The following NAA11 variants were observed in gnomAD, a reference collection of about 807,000 sequenced individuals.
NAA11 encodes N-alpha-acetyltransferase 11, NatA catalytic subunit.
NAA11 carries 15 observed loss-of-function variants against 16.1 expected under a neutral mutation model. The observed-to-expected ratio is 0.93, with a 90% CI of 0.62 to 1.44. NAA11 has a LOEUF of 1.44. NAA11 is among the 40% of genes most tolerant of loss of function. The pLI is 0.00. For missense variants in NAA11, 298 were observed against 291.3 expected, an observed-to-expected ratio of 1.02 and a Z score of -0.17; for synonymous variants, 122 against 112.4, an observed-to-expected ratio of 1.09 and a Z score of -0.54.
At chr4:79,190,069 A>C in the NAA11 span, among the ~76,000 whole-genome samples, 4 of 152,318 alleles carry the variant, frequency 2.6e-5, no homozygotes, top group Admixed American at 1.3e-4. Flanking sequence ...CAGAAACAAA[A>C]AACCCGCACA....
intron 2 of NAA11, among the ~76,000 whole-genome samples, chr4:79,285,848 G>A (rs553344917): frequency 1.8e-4 from 27 of 151,970 alleles, no homozygotes; most frequent in Non-Finnish European, 3.5e-4. Flanking sequence ...ACACTTCAAT[G>A]TTGGAAGCTT....
chr4:79,156,808 T>C, the NAA11 span, among the ~76,000 whole-genome samples: 2 of 152,226 alleles, frequency 1.3e-5, no homozygotes, highest in Non-Finnish European at 2.9e-5. Flanking sequence ...GAGCTCAGAC[T>C]TGTATCCAAA....
the NAA11 span, among the ~76,000 whole-genome samples, chr4:79,157,039 TA>T: frequency 6.6e-6 from 1 of 152,240 alleles, no homozygotes; most frequent in African/African-American, 2.4e-5. Context: ...CCTATTTTTT[TA>T]AATGACAGTT....
At chr4:79,259,576 G>A (rs1722203639) in intron 2 of NAA11, among the ~76,000 whole-genome samples, 1 of 152,218 alleles carries the variant, frequency 6.6e-6, no homozygotes, top group African/African-American at 2.4e-5. Context: ...AGCCTGCCAG[G>A]CCAAGTGGGC....
the NAA11 span, among the ~76,000 whole-genome samples, chr4:79,193,252 G>T: frequency 4.6e-3 from 703 of 152,104 alleles, 2 homozygotes; most frequent in Middle Eastern, 0.034. Flanking sequence ...GTCAATTTTG[G>T]CTTTTGTTGC....
At chr4:79,183,071 T>C in the NAA11 span, among the ~76,000 whole-genome samples, 1 of 152,150 alleles carries the variant, frequency 6.6e-6, no homozygotes, top group South Asian at 2.1e-4. Flanking sequence ...ATTTTCCCCC[T>C]CTGAACATAG....
chr4:79,184,943 T>C, the NAA11 span, among the ~76,000 whole-genome samples: 1 of 152,320 alleles, frequency 6.6e-6, no homozygotes, highest in South Asian at 2.1e-4. Flanking sequence ...ATTAACTACA[T>C]CTTTTTTCTT....
the NAA11 span, among the ~76,000 whole-genome samples, chr4:79,200,038 T>C: frequency 1.3e-5 from 2 of 151,898 alleles, no homozygotes; most frequent in Middle Eastern, 3.4e-3. Context: ...TGCTTCCTCA[T>C]TCATTTCTTC....
chr4:79,174,723 G>T, the NAA11 span, among the ~76,000 whole-genome samples: 1 of 152,228 alleles, frequency 6.6e-6, no homozygotes, highest in South Asian at 2.1e-4. Flanking sequence ...TAAAACATCT[G>T]TGAATTCTAA....
chr4:79,228,939 A>G (rs1035252681), intron 2 of NAA11, among the ~76,000 whole-genome samples: 9 of 152,022 alleles, frequency 5.9e-5, no homozygotes, highest in African/African-American at 2.2e-4. Context: ...GCAAGTAGGA[A>G]CATTCTAGTT....
the NAA11 span, among the ~76,000 whole-genome samples, chr4:79,187,068 A>G: frequency 1.3e-5 from 2 of 152,234 alleles, no homozygotes; most frequent in African/African-American, 4.8e-5. Context: ...TTTTATTATT[A>G]CATTTTAATC....
At chr4:79,278,858 A>G (rs1560444263) in intron 2 of NAA11, among the ~76,000 whole-genome samples, 1 of 152,122 alleles carries the variant, frequency 6.6e-6, no homozygotes, top group East Asian at 1.9e-4. Flanking sequence ...TAATTTATAA[A>G]GAACAGAAAT....
chr4:79,302,943 A>G (rs1195133333), intron 1 of NAA11, among the ~76,000 whole-genome samples: 1 of 151,574 alleles, frequency 6.6e-6, no homozygotes, highest in East Asian at 1.9e-4. Flanking sequence ...TTTGTTTGAG[A>G]CTTTGAATTT....
downstream of NAA11, among the ~76,000 whole-genome samples, chr4:79,314,896 T>C (rs561438639): frequency 6.6e-6 from 1 of 152,192 alleles, no homozygotes; most frequent in Admixed American, 6.5e-5. Context: ...CTATATACAC[T>C]TTTTTGTTGT....
At chr4:79,243,309 AGGAAGGG>A (rs1721735643) in intron 2 of NAA11, among the ~76,000 whole-genome samples, 1 of 152,214 alleles carries the variant, frequency 6.6e-6, no homozygotes, top group Non-Finnish European at 1.5e-5. Flanking sequence ...AATGAAGATG[AGGAAGGG>A]TGCTCCCTTT....
the NAA11 span, among the ~76,000 whole-genome samples, chr4:79,213,152 C>A: frequency 6.6e-6 from 1 of 152,142 alleles, no homozygotes; most frequent in Non-Finnish European, 1.5e-5. Context: ...ATCAAGCTAA[C>A]AAATTAACTT....
chr4:79,289,213 T>C (rs1723021592), intron 2 of NAA11, among the ~76,000 whole-genome samples: 1 of 152,248 alleles, frequency 6.6e-6, no homozygotes, highest in Non-Finnish European at 1.5e-5. Context: ...AATGTGGATT[T>C]CAAATTCCCT....
chr4:79,287,524 G>A (rs1307787118), intron 2 of NAA11, among the ~76,000 whole-genome samples: 1 of 151,740 alleles, frequency 6.6e-6, no homozygotes, highest in Non-Finnish European at 1.5e-5. Context: ...ATAAGTTTTA[G>A]CAAATTGAGG....
chr4:79,237,144 A>G (rs923853818), intron 2 of NAA11, among the ~76,000 whole-genome samples: 1 of 152,200 alleles, frequency 6.6e-6, no homozygotes, highest in Non-Finnish European at 1.5e-5. Flanking sequence ...TGGGTAATGT[A>G]AAACTGTCTT....
Sources: allele counts gnomAD v4.1 joint callset (sites outside exome capture counted in the v4.1 genomes callset), GRCh38; gene constraint gnomAD v4.1.1; transcripts MANE v1.5; gene names NCBI Gene and HGNC (gene_info 2026-07-23, HGNC 2026-07-21).